Variants in PROM1 observed in about 807,000 individuals in gnomAD.
The protein encoded by PROM1 is prominin-1.
In PROM1, 105 loss-of-function variants were observed where a neutral mutation model predicts 116.9. The ratio of observed to expected loss-of-function variants is 0.90; its 90% confidence interval spans 0.77 to 1.06. The LOEUF is 1.06. PROM1 is among the 50% of genes least tolerant of loss of function. The pLI, the probability that PROM1 is intolerant of heterozygous loss-of-function variation, is 0.00. For missense variants in PROM1, 1,122 were observed against 1,045.2 expected, an observed-to-expected ratio of 1.07 and a Z score of -1.01; for synonymous variants, 393 against 387.0, an observed-to-expected ratio of 1.02 and a Z score of -0.18.
rs575032009 is a variant in PROM1 at position 16,062,136 on chromosome 4, C to G, written c.220+13551G>C. On this transcript the variant is annotated intron_variant, in intron 2 of 27. Coordinates refer to ENST00000447510, the MANE Select transcript of PROM1 (RefSeq NM_006017.3). ...CTCGATCTCCTGACTTCGTGACCAC[C>G]CGCCTCGGCACCCCAAAGTGCTGGG... Among the ~76,000 whole-genome samples, 338 of 152,130 alleles carry G rather than the reference C, an allele frequency of 2.2e-3. 4 individuals are homozygous for G. The highest frequency in any genetic ancestry group is 7.8e-3 in the African/African-American group (325 of 41,494).
At chr4:16,018,659 A>C in intron 8 of PROM1, 119 bp from the exon 9 acceptor site, 1 of 836,282 alleles carries the variant, frequency 1.2e-6, no homozygotes, top group African/African-American at 1.7e-5. Context: ...TGAGAGGGAC[A>C]CACTGCAAGG....
In PROM1 at chr4:15,979,452, C is replaced by T; in HGVS notation, c.2525G>A (p.Gly842Asp). The stretch of plus-strand genomic sequence containing the variant: ...ATGATCTTTATGATAACCATTATTA[C>T]CATTTTCCATACTGTAACAGAAATA... ...ETIPMKNMEN[G>D]NNGYHKDHVY... The change falls in exon 26 of 28, where the codon GGT becomes GAT. Residue 842 changes from glycine (G) to aspartate (D), a missense_variant. Coordinates refer to ENST00000447510, the MANE Select transcript of PROM1 (RefSeq NM_006017.3). 6.2e-7 allele frequency: 1 copy of T among 1,610,300 alleles called. No homozygotes were observed. The highest frequency in any genetic ancestry group is 8.5e-7 in the Non-Finnish European group (1 of 1,178,142).
At chr4:16,081,187 A>G (rs1045745254) in intron 1 of PROM1, among the ~76,000 whole-genome samples, 2 of 152,026 alleles carry the variant, frequency 1.3e-5, no homozygotes, top group Non-Finnish European at 2.9e-5. Context: ...TACATTAGGT[A>G]TATGTCCTAA....
At chr4:16,003,177 TATC>T (rs1320469866) in intron 13 of PROM1, 22 of 406,500 alleles carry the variant, frequency 5.4e-5, no homozygotes, top group Non-Finnish European at 1.1e-4. Flanking sequence ...GTCACCTAGT[TATC>T]ATTTCAGGGG....
chr4:16,061,042 T>C (rs1223818158), intron 2 of PROM1, among the ~76,000 whole-genome samples: 1 of 152,210 alleles, frequency 6.6e-6, no homozygotes. Context: ...GTTAAGTAGT[T>C]ACTGTTAAGC....
At chr4:16,041,071 C>T (rs1051932124) in intron 2 of PROM1, among the ~76,000 whole-genome samples, 1 of 152,188 alleles carries the variant, frequency 6.6e-6, no homozygotes, top group Non-Finnish European at 1.5e-5. Context: ...CTGTGGGAAT[C>T]CCCAAGACAT....
intron 6 of PROM1, 45 bp downstream of exon 6, chr4:16,025,147 C>T: frequency 6.3e-7 from 1 of 1,585,320 alleles, no homozygotes; most frequent in Non-Finnish European, 8.6e-7. Context: ...CTCCAAAAAA[C>T]CAAAAATATA....
intron 1 of PROM1, among the ~76,000 whole-genome samples, chr4:16,077,263 A>C (rs186716972): frequency 6.6e-6 from 1 of 152,258 alleles, no homozygotes; most frequent in Non-Finnish European, 1.5e-5. Context: ...GAGGTGGGAC[A>C]TGCGGGCAAC....
rs149569762 is a variant in PROM1, at chr4:16,005,382, T to C, written c.1454+1156A>G. On this transcript the variant is annotated intron_variant, in intron 13 of 27. Transcript: ENST00000447510. ...CTAAGGTGATTTTACGACTCTAGTT[T>C]GTAAAGGCCTATACCATACTGGAGC... 2.9e-3 allele frequency among the ~76,000 whole-genome samples: 447 copies of C among 152,288 alleles called. 2 individuals are homozygous for C. The highest frequency in any genetic ancestry group is 5.0e-3 in the Non-Finnish European group (342 of 68,012).
At chr4:16,067,870 C>T (rs28698293) in intron 2 of PROM1, among the ~76,000 whole-genome samples, 3,235 of 152,228 alleles carry the variant, frequency 0.021, 122 homozygotes, top group African/African-American at 0.074. Context: ...GGCCACGTGA[C>T]TCAATGGCTC....
intron 26 of PROM1, among the ~76,000 whole-genome samples, chr4:15,978,863 G>A (rs894932219): frequency 6.6e-6 from 1 of 152,154 alleles, no homozygotes; most frequent in African/African-American, 2.4e-5. Context: ...AGAGTTACCT[G>A]ACATATGATA....
At chr4:16,062,808 A>G (rs1243353760) in intron 2 of PROM1, among the ~76,000 whole-genome samples, 2 of 152,228 alleles carry the variant, frequency 1.3e-5, no homozygotes, top group Non-Finnish European at 2.9e-5. Context: ...TACTTAAAAA[A>G]CTTTCTTAAT....
At chr4:16,024,215 G>A (rs987939037) in intron 7 of PROM1, 80 bp downstream of exon 7, 18 of 1,281,840 alleles carry the variant, frequency 1.4e-5, no homozygotes, top group Non-Finnish European at 1.7e-5. Context: ...TTTCACGTAC[G>A]TCATTTCTTA....
At position 15,980,882 on chromosome 4, in the gene PROM1, C is replaced by T. The variant is rs193192567; in HGVS notation, c.2374-345G>A. Among the ~76,000 whole-genome samples the T allele has an allele frequency of 1.1e-3, 160 of 152,088 alleles. 1 individual carries two copies. Among genetic ancestry groups the T allele is most frequent in the African/African-American group, 3.6e-3 (149 of 41,508 alleles). On this transcript the variant is annotated intron_variant, in intron 23 of 27. Transcript: ENST00000447510. ...CCCCAAACAGATTCCCTTTGTTGCC[C>T]GACCATCCAGTAATCAGAGCATGGA...
intron 2 of PROM1, among the ~76,000 whole-genome samples, chr4:16,054,690 TAA>T (rs1298805561): frequency 1.3e-5 from 2 of 152,128 alleles, no homozygotes; most frequent in African/African-American, 4.8e-5. Context: ...ATTGAGCAAT[TAA>T]TAGAGTTGCT....
chr4:15,970,436 G>A (rs1424480908), intron 27 of PROM1, among the ~76,000 whole-genome samples: 1 of 151,790 alleles, frequency 6.6e-6, no homozygotes, highest in African/African-American at 2.4e-5. Context: ...GCCTCCCATA[G>A]TGCTGGGATT....
chr4:16,038,971 T>A lies in PROM1; in HGVS notation c.251A>T (p.Tyr84Phe). Residue 84 changes from tyrosine (Y) to phenylalanine (F), a missense_variant, in exon 3 of 28, where the codon TAT becomes TTT. Tyr to Phe is a conservative substitution (Grantham distance 22). Transcript: ENST00000447510. Reference protein sequence around the residue: ...DTLRKFLQKAYESKIDYDKPE... With the variant: ...DTLRKFLQKAFESKIDYDKPE... ...CTTGTCATAATCAATTTTGGATTCA[T>A]ATGCCTTCTGTAAGAATTTTCTCAA... 6.6e-7 allele frequency: 1 copy of A among 1,505,502 alleles called. No individual in the cohort carries two copies. The allele number at this position is 1,505,502 out of a possible 1,614,324, so 93.3% of individuals were successfully genotyped here.
chr4:16,020,473 G>T (rs2677781), intron 8 of PROM1, among the ~76,000 whole-genome samples: 1 of 152,034 alleles, frequency 6.6e-6, no homozygotes, highest in Non-Finnish European at 1.5e-5. Flanking sequence ...CAGCAAAACA[G>T]AAAAGAACTC....
intron 2 of PROM1, among the ~76,000 whole-genome samples, chr4:16,054,086 T>TCCAGCCTGGGTGACAGC (rs2149481701): frequency 6.6e-6 from 1 of 152,322 alleles, no homozygotes; most frequent in South Asian, 2.1e-4. Context: ...AGTGCAAGAC[T>TCCAGCCTGGGTGACAGC]CTGTCTCGAA....
Sources: gnomAD v4.1 joint callset for allele counts (sites outside exome capture counted in the v4.1 genomes callset) on GRCh38, gnomAD v4.1.1 for gene constraint, MANE v1.5 for transcripts, NCBI Gene and HGNC (gene_info 2026-07-23, HGNC 2026-07-21) for gene names.